The following XKR6 variants were observed in gnomAD, a reference collection of about 807,000 sequenced individuals.
XKR6 encodes the protein XK-related protein 6.
XKR6 carries 22 observed loss-of-function variants against 56.7 expected under a neutral mutation model. That is an observed-to-expected ratio of 0.39 (90% CI 0.28 to 0.55). XKR6 has a LOEUF of 0.55. XKR6 is among the 20% of genes least tolerant of loss of function. The pLI is 0.66. For synonymous variants in XKR6, 524 were observed against 387.8 expected (o/e 1.35, Z -4.13); for missense variants, 852 against 889.0 (o/e 0.96, Z 0.53).
intron 1 of XKR6, among the ~76,000 whole-genome samples, chr8:11,114,793 G>T (rs1022356414): frequency 6.7e-6 from 1 of 148,240 alleles, no homozygotes; most frequent in Non-Finnish European, 1.5e-5. Flanking sequence ...GGGCAAGAAA[G>T]GTCAGTGTAA....
At chr8:11,117,953 G>C (rs1263373589) in intron 1 of XKR6, among the ~76,000 whole-genome samples, 2 of 152,046 alleles carry the variant, frequency 1.3e-5, no homozygotes, top group African/African-American at 4.8e-5. Context: ...GAGTGACAGG[G>C]AATACCGAGA....
intron 1 of XKR6, among the ~76,000 whole-genome samples, chr8:11,121,430 A>G (rs1799448836): frequency 1.3e-5 from 2 of 152,380 alleles, no homozygotes; most frequent in South Asian, 4.1e-4. Flanking sequence ...AAACACATGA[A>G]AAAATGCTCA....
intron 1 of XKR6, among the ~76,000 whole-genome samples, chr8:11,099,023 C>T (rs550331713): frequency 6.6e-6 from 1 of 152,102 alleles, no homozygotes. Flanking sequence ...AGCTTCTTCC[C>T]CCTTCCCTAG....
At chr8:11,160,836 C>T (rs536622264) in intron 1 of XKR6, among the ~76,000 whole-genome samples, 34 of 136,288 alleles carry the variant, frequency 2.5e-4, no homozygotes, top group African/African-American at 8.3e-4. Context: ...CCCTTGAACC[C>T]GGGAGGCGGA....
intron 1 of XKR6, chr8:11,104,752 G>C (rs1416951245): frequency 2.0e-5 from 3 of 152,144 alleles, no homozygotes; most frequent in Non-Finnish European, 2.9e-5. Context: ...TATTTTACAG[G>C]TTGAAAAGTT....
chr8:11,035,135 C>T (rs866886518), intron 1 of XKR6: 4 of 519,222 alleles, frequency 7.7e-6, no homozygotes, highest in East Asian at 5.8e-5. Flanking sequence ...GCCATGAGGT[C>T]GAAAGACAAA....
intron 2 of XKR6, among the ~76,000 whole-genome samples, chr8:10,906,826 G>A (rs1800200830): frequency 6.6e-6 from 1 of 152,180 alleles, no homozygotes; most frequent in South Asian, 2.1e-4. Context: ...AAGGTCAGGA[G>A]ATTGAGACCA....
chr8:11,016,734 C>G (rs932736226), intron 1 of XKR6, among the ~76,000 whole-genome samples: 2 of 152,198 alleles, frequency 1.3e-5, no homozygotes, highest in Non-Finnish European at 2.9e-5. Context: ...TCCTGGCCTG[C>G]GCTTGCTCCC....
chr8:11,079,990 T>C (rs1191323682), intron 1 of XKR6, among the ~76,000 whole-genome samples: 1 of 151,766 alleles, frequency 6.6e-6, no homozygotes. Flanking sequence ...AATAAATACA[T>C]AAATACATAA....
chr8:11,051,167 C>T (rs1799535409), intron 1 of XKR6, among the ~76,000 whole-genome samples: 1 of 152,068 alleles, frequency 6.6e-6, no homozygotes, highest in African/African-American at 2.4e-5. Flanking sequence ...CACCCCCCAT[C>T]TGCTAGACTC....
chr8:11,160,928 A>AAG (rs1554475346), intron 1 of XKR6, among the ~76,000 whole-genome samples: 4 of 151,244 alleles, frequency 2.6e-5, no homozygotes, highest in African/African-American at 7.3e-5. Flanking sequence ...AAAAAAAAAA[A>AAG]AAAGAAAAAA....
chr8:10,898,966 C>G lies in XKR6; in HGVS notation c.962-50G>C. The G allele has an allele frequency of 6.5e-7, 1 of 1,536,246 alleles. No individual in the cohort carries two copies. Among genetic ancestry groups the G allele is most frequent in the African/African-American group, 1.4e-5 (1 of 72,816 alleles). ...CAGTCAAAACCTTGGACATCAACCG[C>G]AGGGCACAGTGAAGCTGCCGGCTGA... On this transcript the variant is annotated intron_variant, in intron 2 of 2. Coordinates refer to ENST00000416569, the MANE Select transcript of XKR6 (RefSeq NM_173683.4). This position sits in a 1 kb window ranked among gnomAD's most constrained non-coding sequence, Gnocchi z 6.6.
chr8:11,039,867 C>T (rs1192401903), intron 1 of XKR6, among the ~76,000 whole-genome samples: 1 of 152,256 alleles, frequency 6.6e-6, no homozygotes, highest in Non-Finnish European at 1.5e-5. Flanking sequence ...GGGACAGCTG[C>T]TCTCCAAAGA....
intron 1 of XKR6, among the ~76,000 whole-genome samples, chr8:10,965,942 G>A (rs1396423341): frequency 2.0e-5 from 3 of 152,196 alleles, no homozygotes; most frequent in African/African-American, 7.2e-5. Context: ...CCAAACTCTA[G>A]GATTCCTCAA....
At chr8:11,124,217 T>G (rs182554624) in intron 1 of XKR6, 2 of 350,426 alleles carry the variant, frequency 5.7e-6, no homozygotes, top group Non-Finnish European at 1.1e-5. Flanking sequence ...GCTATTCTAT[T>G]ATCAAGCATA....
chr8:10,980,993 G>C (rs115222117), intron 1 of XKR6, among the ~76,000 whole-genome samples: 1 of 152,054 alleles, frequency 6.6e-6, no homozygotes, highest in African/African-American at 2.4e-5. Flanking sequence ...AAAAAGAGAA[G>C]AGCCCAACAT....
chr8:11,059,861 C>A (rs1799787327), intron 1 of XKR6, among the ~76,000 whole-genome samples: 1 of 152,068 alleles, frequency 6.6e-6, no homozygotes, highest in Non-Finnish European at 1.5e-5. Context: ...GGAGGTGGCG[C>A]GCAGGGTGGC....
chr8:11,135,244 T>C (rs1185818755), intron 1 of XKR6, among the ~76,000 whole-genome samples: 4 of 152,128 alleles, frequency 2.6e-5, no homozygotes, highest in African/African-American at 4.8e-5. Context: ...TTAGCCAGGA[T>C]GGTCTTGATC....
At chr8:10,965,152 C>T (rs1357456886) in intron 1 of XKR6, among the ~76,000 whole-genome samples, 2 of 152,246 alleles carry the variant, frequency 1.3e-5, no homozygotes, top group African/African-American at 4.8e-5. Context: ...TCATGGATGG[C>T]GGGTCCCCTG....
Sources: gnomAD v4.1 joint callset for allele counts (sites outside exome capture counted in the v4.1 genomes callset) on GRCh38, gnomAD v4.1.1 for gene constraint, Gnocchi (gnomAD v3.1) non-coding constraint, MANE v1.5 for transcripts, NCBI Gene and HGNC (gene_info 2026-07-23, HGNC 2026-07-21) for gene names.